PCDHGB2: variants seen among roughly 807,000 people sequenced by gnomAD.
The protein encoded by PCDHGB2 is protocadherin gamma-B2.
In PCDHGB2, 55 loss-of-function variants were observed where a neutral mutation model predicts 59.3. The observed-to-expected ratio is 0.93, with a 90% confidence interval of 0.75 to 1.16. PCDHGB2 has a LOEUF of 1.16. Ranked by LOEUF, PCDHGB2 falls within the 50% of genes most tolerant of loss-of-function variation. The pLI, the probability that PCDHGB2 is intolerant of heterozygous loss-of-function variation, is 0.00. For missense variants in PCDHGB2, 1,228 were observed against 1,198.5 expected (o/e 1.02, Z -0.36); for synonymous variants, 516 against 512.0 (o/e 1.01, Z -0.11).
At chr5:141,459,165 C>T (rs1418626354) in intron 1 of PCDHGB2, among the ~76,000 whole-genome samples, 2 of 152,130 alleles carry the variant, frequency 1.3e-5, no homozygotes, top group African/African-American at 4.8e-5. Context: ...ATTTCTATAA[C>T]CTTCAAAAGT....
At chr5:141,418,898 A>G (rs768409383) in intron 1 of PCDHGB2, 2 of 1,614,016 alleles carry the variant, frequency 1.2e-6, no homozygotes, top group South Asian at 2.2e-5. Flanking sequence ...CAGCCCAGAA[A>G]TAATCATCAC....
chr5:141,360,012 C>T lies in PCDHGB2; in HGVS notation c.-124C>T, dbSNP rs1454398218. On this transcript the variant is annotated 5_prime_UTR_variant, in exon 1 of 4. Transcript: ENST00000522605. ...GAACTTCCTGCACAAACCAACCACA[C>T]AGAGAAGGCCAGTATAGATTCGGAA... is the stretch of plus-strand genomic sequence containing the variant. 8 of 1,240,128 alleles carry T rather than the reference C, an allele frequency of 6.5e-6. No homozygotes were observed. The highest frequency in any genetic ancestry group is 8.6e-6 in the Non-Finnish European group (8 of 925,502). The allele number at this position is 1,240,128 out of a possible 1,614,324, so 76.8% of individuals were successfully genotyped here.
rs768135284 is a variant in PCDHGB2, at chr5:141,489,277, T to C, written c.2422-5530T>C. ...GACACTCCCACAGCTCGCTGGGAAA[T>C]GGCAAGTGCTGTGCATGTTGTCCTT... On this transcript the variant is annotated intron_variant, in intron 1 of 3. Transcript: ENST00000522605. This position sits in a 1 kb window ranked among gnomAD's most constrained non-coding sequence, Gnocchi z 4.5. 7.1e-6 allele frequency: 11 copies of C among 1,556,078 alleles called. No individual in the cohort carries two copies. Among genetic ancestry groups the C allele is most frequent in the South Asian group, 3.7e-5 (3 of 80,348 alleles).
chr5:141,456,047 A>G (rs1321504293), intron 1 of PCDHGB2, among the ~76,000 whole-genome samples: 3 of 151,774 alleles, frequency 2.0e-5, no homozygotes, highest in Non-Finnish European at 4.4e-5. Context: ...ACAGGCGCCC[A>G]CCACCACGTC....
chr5:141,510,895 CTGT>C, intron 3 of PCDHGB2, 49 bp from the exon 4 acceptor site: 1 of 1,612,988 alleles, frequency 6.2e-7, no homozygotes, highest in Non-Finnish European at 8.5e-7. Flanking sequence ...AAGACAGTGA[CTGT>C]TGAGGACCCT....
Position 141,431,962 on chromosome 5 carries a change from C to G in PCDHGB2, c.2422-62845C>G. 1.2e-6 allele frequency: 2 copies of G among 1,614,190 alleles called. No homozygotes were observed. Among genetic ancestry groups the G allele is most frequent in the South Asian group, 2.2e-5 (2 of 91,086 alleles). ...AATTAGAAAAATCTTACGGAAATTACTATAGTTTAGTCACAGACATAGTCT... is the reference window on the plus strand; with the variant it reads ...AATTAGAAAAATCTTACGGAAATTAGTATAGTTTAGTCACAGACATAGTCT... On this transcript the variant is annotated intron_variant, in intron 1 of 3. Transcript: ENST00000522605. The surrounding 1 kb of genome is among the most constrained non-coding windows in gnomAD (Gnocchi z 4.8).
rs747463615 is a variant in PCDHGB2 at position 141,362,286 on chromosome 5, C to G, written c.2151C>G (p.Leu717=). The part of the protein sequence containing the change: ...VILAISLRLR[L]SSRSDAWDCF... ...TGGCAATCTCCCTGCGCCTGCGACT[C>G]TCTTCCAGGTCAGATGCTTGGGACT... The change falls in exon 1 of 4, where the codon CTC becomes CTG. Residue 717 remains leucine, a synonymous_variant. Transcript: ENST00000522605. The G allele has an allele frequency of 1.2e-6, 2 of 1,614,082 alleles. No homozygotes were observed. The highest frequency in any genetic ancestry group is 1.7e-6 in the Non-Finnish European group (2 of 1,179,908).
chr5:141,385,024 C>T lies in PCDHGB2; in HGVS notation c.2421+22468C>T, dbSNP rs756021455. 5.6e-6 allele frequency: 9 copies of T among 1,614,158 alleles called. No individual in the cohort carries two copies. In the East Asian group the frequency reaches 1.1e-4, roughly 20 times the overall value. ...CTCCTGCGTCTTCCTAGCCTTCGTC[C>T]TCGTACTGCTGGCGCTCAGGCTGCG... On this transcript the variant is annotated intron_variant, in intron 1 of 3. Coordinates refer to ENST00000522605, the MANE Select transcript of PCDHGB2 (RefSeq NM_018923.3).
chr5:141,400,734 G>T, intron 1 of PCDHGB2: 1 of 634,546 alleles, frequency 1.6e-6, no homozygotes, highest in Non-Finnish European at 2.7e-6. Context: ...AAAGTAGTGA[G>T]AGTTTGCTCT....
At chr5:141,384,434 G>A in intron 1 of PCDHGB2, 1 of 1,614,024 alleles carries the variant, frequency 6.2e-7, no homozygotes, top group Non-Finnish European at 8.5e-7. Flanking sequence ...TCTGACACTG[G>A]AGTCCTGTAC....
rs983317324 is a variant in PCDHGB2, at chr5:141,431,891, G to A, written c.2422-62916G>A. The stretch of plus-strand genomic sequence containing the variant: ...AAATGTAAATGACCAAGATTCTGAG[G>A]AAAACGGACAGGTGATCTGTTTCAT... On this transcript the variant is annotated intron_variant, in intron 1 of 3. Transcript: ENST00000522605. The surrounding 1 kb of genome is among the most constrained non-coding windows in gnomAD (Gnocchi z 4.8). 16 of 1,614,072 alleles carry A rather than the reference G, an allele frequency of 9.9e-6. No homozygotes were observed. The highest frequency in any genetic ancestry group is 2.7e-5 in the African/African-American group (2 of 74,934).
intron 1 of PCDHGB2, chr5:141,413,755 A>G: frequency 1.2e-6 from 2 of 1,612,936 alleles, no homozygotes; most frequent in Non-Finnish European, 1.7e-6. Context: ...CAATGGCGTC[A>G]AGTACCCGGA....
intron 1 of PCDHGB2, among the ~76,000 whole-genome samples, chr5:141,437,723 G>A (rs2097904411): frequency 6.6e-6 from 1 of 150,736 alleles, no homozygotes; most frequent in South Asian, 2.1e-4. Context: ...ACCCTCTAAT[G>A]TTACACTTTG....
Position 141,362,113 on chromosome 5 carries a change from C to T in PCDHGB2, c.1978C>T (p.Leu660=), listed in dbSNP as rs769104675. ...GQPPLSATAT[L]HLIFADSLQE... ...GCCGCCACTCTCCGCTACGGCCACG[C>T]TGCACCTAATCTTCGCGGATAGCCT... Residue 660 remains leucine, a synonymous_variant, in exon 1 of 4, where the codon CTG becomes TTG. Coordinates refer to ENST00000522605, the MANE Select transcript of PCDHGB2 (RefSeq NM_018923.3). 2.5e-6 allele frequency: 4 copies of T among 1,614,018 alleles called. No individual in the cohort carries two copies. In the Admixed American group the frequency reaches 6.7e-5, roughly 27 times the overall value.
intron 1 of PCDHGB2, chr5:141,419,895 C>G (rs1209315374): frequency 6.2e-7 from 1 of 1,613,916 alleles, no homozygotes; most frequent in Non-Finnish European, 8.5e-7. Context: ...AGCGACCATC[C>G]CACACCCTCT....
Position 141,477,964 on chromosome 5 carries a change from G to T in PCDHGB2, c.2422-16843G>T, listed in dbSNP as rs2099426491. On this transcript the variant is annotated intron_variant, in intron 1 of 3. Coordinates refer to ENST00000522605, the MANE Select transcript of PCDHGB2 (RefSeq NM_018923.3). The surrounding 1 kb of genome is among the most constrained non-coding windows in gnomAD (Gnocchi z 4.9). Reference sequence around the variant, plus strand: ...ACAGTCTCTTGGGATCCCCTAACCAGAGCCTTTTTGCCATAGGGCTGCACA... The same window carrying T: ...ACAGTCTCTTGGGATCCCCTAACCATAGCCTTTTTGCCATAGGGCTGCACA... 6.2e-7 allele frequency: 1 copy of T among 1,613,978 alleles called. No homozygotes were observed. The highest frequency in any genetic ancestry group is 1.1e-5 in the South Asian group (1 of 91,080).
chr5:141,384,586 C>T lies in PCDHGB2; in HGVS notation c.2421+22030C>T, dbSNP rs747814318. ...CCAGAATGACAACCCGCCCGAGATC[C>T]TGTACCCGGCCCTCCCCACAGATGG... On this transcript the variant is annotated intron_variant, in intron 1 of 3. Transcript: ENST00000522605. The T allele has an allele frequency of 2.5e-6, 4 of 1,614,274 alleles. No homozygotes were observed. In the South Asian group the frequency reaches 4.4e-5, roughly 18 times the overall value.
intron 1 of PCDHGB2, among the ~76,000 whole-genome samples, chr5:141,364,008 C>T (rs553317478): frequency 3.3e-5 from 5 of 152,194 alleles, no homozygotes; most frequent in African/African-American, 9.6e-5. Context: ...TCATAAACAA[C>T]GCTACACAGT....
chr5:141,365,797 C>T (rs376466748), intron 1 of PCDHGB2: 1 of 1,613,978 alleles, frequency 6.2e-7, no homozygotes, highest in Non-Finnish European at 8.5e-7. Context: ...GAGTCACCTA[C>T]TCCCTGGCTG....
Sources: allele counts gnomAD v4.1 joint callset (sites outside exome capture counted in the v4.1 genomes callset), GRCh38; gene constraint gnomAD v4.1.1; non-coding constraint Gnocchi (gnomAD v3.1); transcripts MANE v1.5; gene names NCBI Gene and HGNC (gene_info 2026-07-23, HGNC 2026-07-21).